Variants in RBFOX2 observed in about 807,000 individuals in gnomAD.
The protein encoded by RBFOX2 is RNA binding protein fox-1 homolog 2.
RBFOX2 carries 10 observed loss-of-function variants against 49.1 expected under a neutral mutation model. That is an observed-to-expected ratio of 0.20 (90% CI 0.13 to 0.35). The LOEUF (loss-of-function observed/expected upper bound fraction) is 0.35. Ranked by LOEUF, RBFOX2 falls within the 10% of genes least tolerant of loss-of-function variation. The pLI, the probability that RBFOX2 is intolerant of heterozygous loss-of-function variation, is 1.00. For missense variants in RBFOX2, 323 were observed against 486.9 expected, an observed-to-expected ratio of 0.66 and a Z score of 3.17; for synonymous variants, 183 against 187.4, an observed-to-expected ratio of 0.98 and a Z score of 0.19.
intron 10 of RBFOX2, 48 bp from the exon 13 acceptor site, chr22:35,746,043 TA>T: frequency 1.3e-6 from 2 of 1,491,678 alleles, no homozygotes; most frequent in Non-Finnish European, 1.9e-6. Flanking sequence ...GTGTATGATC[TA>T]AAAAAATTAA....
At chr22:35,908,972 A>C (rs938617113) in intron 1 of RBFOX2, among the ~76,000 whole-genome samples, 18 of 151,898 alleles carry the variant, frequency 1.2e-4, no homozygotes, top group Admixed American at 1.2e-3. Flanking sequence ...CCTCCCAAGT[A>C]GCTGGGACTA....
At chr22:35,765,842 A>C (rs960283141) in intron 5 of RBFOX2, among the ~76,000 whole-genome samples, 4 of 152,218 alleles carry the variant, frequency 2.6e-5, no homozygotes, top group Admixed American at 1.3e-4. Context: ...TCTGTTAATA[A>C]AACAGAGGCT....
intron 2 of RBFOX2, among the ~76,000 whole-genome samples, chr22:35,797,737 G>T (rs1459198223): frequency 6.6e-6 from 1 of 152,186 alleles, no homozygotes; most frequent in African/African-American, 2.4e-5. Context: ...ATAATACCTT[G>T]CATTGACTTC....
At chr22:35,829,163 T>G (rs2148632446) in intron 1 of RBFOX2, among the ~76,000 whole-genome samples, 1 of 152,182 alleles carries the variant, frequency 6.6e-6, no homozygotes, top group Non-Finnish European at 1.5e-5. Context: ...TTTATAGACA[T>G]AAAAAATTAT....
At chr22:35,828,339 T>C (rs565634124) in intron 1 of RBFOX2, among the ~76,000 whole-genome samples, 140 of 152,152 alleles carry the variant, frequency 9.2e-4, no homozygotes, top group African/African-American at 3.1e-3. Flanking sequence ...ATCACATGGA[T>C]AAAGTTTCCA....
intron 1 of RBFOX2, among the ~76,000 whole-genome samples, chr22:35,873,807 G>A (rs987764701): frequency 6.6e-6 from 1 of 151,746 alleles, no homozygotes; most frequent in Non-Finnish European, 1.5e-5. Flanking sequence ...CTCTCATGTA[G>A]CTGGGATTAC....
At chr22:35,807,065 A>C (rs1950885492) in intron 2 of RBFOX2, among the ~76,000 whole-genome samples, 1 of 152,184 alleles carries the variant, frequency 6.6e-6, no homozygotes, top group Non-Finnish European at 1.5e-5. Flanking sequence ...CGGCCTCCCA[A>C]AGTGTTGGGA....
intron 6 of RBFOX2, among the ~76,000 whole-genome samples, chr22:35,762,531 G>C (rs1462982200): frequency 7.8e-6 from 1 of 127,720 alleles, no homozygotes; most frequent in African/African-American, 3.0e-5. Context: ...TTTTGAGACA[G>C]AGTCTTGCTC....
chr22:35,773,189 A>G (rs570259138), intron 4 of RBFOX2, among the ~76,000 whole-genome samples: 4 of 152,152 alleles, frequency 2.6e-5, no homozygotes, highest in Non-Finnish European at 4.4e-5. Flanking sequence ...GACTTCCAAA[A>G]AAGTATTTTG....
chr22:35,984,607 TG>T (rs2057615053), intron 1 of RBFOX2, among the ~76,000 whole-genome samples: 1 of 152,204 alleles, frequency 6.6e-6, no homozygotes, highest in African/African-American at 2.4e-5. Flanking sequence ...AAAGCTATAC[TG>T]AAGTTGGCTC....
chr22:35,880,001 C>A (rs2045669956), intron 1 of RBFOX2, among the ~76,000 whole-genome samples: 1 of 152,112 alleles, frequency 6.6e-6, no homozygotes, highest in African/African-American at 2.4e-5. Context: ...ACTAAAAATA[C>A]AAAAATTAGC....
In RBFOX2 at chr22:35,881,438, A is replaced by G. The variant is rs1013054656; in HGVS notation, c.-34+57409T>C. Among the ~76,000 whole-genome samples the G allele has an allele frequency of 7.9e-5, 12 of 151,786 alleles. No individual in the cohort carries two copies. The South Asian group carries it at 1.9e-3, about 24-fold the overall frequency. The stretch of plus-strand genomic sequence containing the variant: ...ACAAAAAAATAAATAAAAATACAAA[A>G]ATGGTGGCACACATCTGTAGTCCCA... On this transcript the variant is annotated intron_variant, in intron 1 of 13. Transcript: ENST00000359369.
At chr22:35,821,657 G>C in intron 1 of RBFOX2, 1 of 450,140 alleles carries the variant, frequency 2.2e-6, no homozygotes, top group South Asian at 1.6e-5. Context: ...CCTTCACTCT[G>C]TCAGTCCTTT....
chr22:36,028,554 G>GCGCGCGAGCGGACTCCGCGCCCCTC, exon 1 of RBFOX2: 1 of 879,632 alleles, frequency 1.1e-6, no homozygotes. Flanking sequence ...GTGCGTGCGT[G>GCGCGCGAGCGGACTCCGCGCCCCTC]CGCGCGAGCG....
intron 1 of RBFOX2, among the ~76,000 whole-genome samples, chr22:35,884,477 T>C (rs1382205800): frequency 6.6e-6 from 1 of 152,140 alleles, no homozygotes; most frequent in Non-Finnish European, 1.5e-5. Flanking sequence ...AGCTTGACTA[T>C]CAAGGATCCA....
At chr22:35,744,875 TTATC>T (rs1411940138) in intron 11 of RBFOX2, among the ~76,000 whole-genome samples, 1 of 152,366 alleles carries the variant, frequency 6.6e-6, no homozygotes, top group Non-Finnish European at 1.5e-5. Context: ...TCAAATGACT[TTATC>T]TAATGGCTTA....
chr22:35,765,390 A>G, intron 6 of RBFOX2, 33 bp downstream of exon 7: 1 of 1,438,536 alleles, frequency 7.0e-7, no homozygotes. Flanking sequence ...TTACACAAGA[A>G]TAAACACTCT....
At chr22:35,835,198 G>T (rs527479328) in intron 1 of RBFOX2, among the ~76,000 whole-genome samples, 2 of 151,882 alleles carry the variant, frequency 1.3e-5, no homozygotes, top group African/African-American at 4.8e-5. Flanking sequence ...TGGAAATGTT[G>T]AAAAAAAAGA....
At chr22:36,024,948 C>T (rs1037085109) in intron 1 of RBFOX2, among the ~76,000 whole-genome samples, 14 of 151,950 alleles carry the variant, frequency 9.2e-5, no homozygotes, top group Middle Eastern at 3.4e-3. Context: ...GCTGGGATTA[C>T]AGGCGCCTGC....
Sources: gnomAD v4.1 joint callset for allele counts (sites outside exome capture counted in the v4.1 genomes callset) on GRCh38, gnomAD v4.1.1 for gene constraint, MANE v1.5 for transcripts, NCBI Gene and HGNC (gene_info 2026-07-23, HGNC 2026-07-21) for gene names.